Variants in HEATR6 observed in about 807,000 individuals in gnomAD.
HEATR6 encodes the protein HEAT repeat-containing protein 6.
In HEATR6, 106 loss-of-function variants were observed where a neutral mutation model predicts 132.8. The ratio of observed to expected loss-of-function variants is 0.80; its 90% CI spans 0.68 to 0.94. The LOEUF is 0.94. Among genes scored for constraint, HEATR6 ranks in the 40% least tolerant of loss-of-function variants. HEATR6 has a pLI of 0.00. For synonymous variants in HEATR6, 529 were observed against 537.8 expected (o/e 0.98, Z 0.23); for missense variants, 1,339 against 1,425.1 (o/e 0.94, Z 0.97).
At chr17:60,044,208 G>A in intron 19 of HEATR6, 74 bp from the exon 20 acceptor site, 1 of 1,141,310 alleles carries the variant, frequency 8.8e-7, no homozygotes. Flanking sequence ...AGGGGTGGAA[G>A]GAAGCTTAAA....
chr17:60,046,128 G>A lies in HEATR6; in HGVS notation c.2871C>T (p.Ile957=), dbSNP rs1189373475. 1.9e-6 allele frequency: 3 copies of A among 1,613,576 alleles called. No homozygotes were observed. In the East Asian group the frequency reaches 6.7e-5, roughly 36 times the overall value. ...PTFAEIIEES[I]QALISTVLTE... Reference sequence around the variant, plus strand: ...TTAGAACAGTAGAAATTAGGGCCTGGATAGACTCCTCAATGATTTCTGCAA... The same window carrying A: ...TTAGAACAGTAGAAATTAGGGCCTGAATAGACTCCTCAATGATTTCTGCAA... The change falls in exon 19 of 20, where the codon ATC becomes ATT. Residue 957 remains isoleucine (I), a synonymous_variant. Coordinates refer to ENST00000184956, the MANE Select transcript of HEATR6 (RefSeq NM_022070.5).
rs1906862829 is a variant in HEATR6 at position 60,059,456 on chromosome 17, G to C, written c.1689C>G (p.Val563=). Residue 563 remains valine (V), a synonymous_variant, in exon 11 of 20, where the codon GTC becomes GTG. Coordinates refer to ENST00000184956, the MANE Select transcript of HEATR6 (RefSeq NM_022070.5). ...DRLKLSLLTK[V]WNQIKPYIRH... is the part of the protein sequence containing the mutation. Reference sequence around the variant, plus strand: ...GAATATAAGGCTTTATCTGGTTCCAGACTTTGGTCAGCAGGCTGAGTTTTA... The same window carrying C: ...GAATATAAGGCTTTATCTGGTTCCACACTTTGGTCAGCAGGCTGAGTTTTA... 6.2e-7 allele frequency: 1 copy of C among 1,613,712 alleles called. No individual in the cohort carries two copies. The highest frequency in any genetic ancestry group is 8.5e-7 in the Non-Finnish European group (1 of 1,179,766).
At chr17:60,073,600 C>T (rs2083281107) in intron 3 of HEATR6, 146 bp downstream of exon 3, 3 of 724,834 alleles carry the variant, frequency 4.1e-6, no homozygotes, top group South Asian at 1.9e-5. Context: ...CTCAGAGTAA[C>T]TATTTTATAC....
In HEATR6 at chr17:60,043,833, T is replaced by A. The variant is rs781669418; in HGVS notation, c.3276A>T (p.Lys1092Asn). 6.2e-7 allele frequency: 1 copy of A among 1,614,226 alleles called. No individual in the cohort carries two copies. Residue 1092 changes from lysine (K) to asparagine (N), a missense_variant, in exon 20 of 20, where the codon AAA (lysine) becomes AAT (asparagine). Coordinates refer to ENST00000184956, the MANE Select transcript of HEATR6 (RefSeq NM_022070.5). ...LASASDLPCM[K>N]ETLELSGNMV... ...TATTCCCACTCAGTTCAAGGGTTTCTTTCATACAAGGGAGGTCCGAGGCAC... is the reference window on the plus strand; with the variant it reads ...TATTCCCACTCAGTTCAAGGGTTTCATTCATACAAGGGAGGTCCGAGGCAC...
chr17:60,073,634 G>A, intron 3 of HEATR6, 112 bp downstream of exon 3: 2 of 1,035,096 alleles, frequency 1.9e-6, no homozygotes, highest in Non-Finnish European at 2.9e-6. Context: ...GCCCAGAGTG[G>A]TTGAATAAGA....
rs532592180 is a variant in HEATR6, at chr17:60,059,023, T to G, written c.1723+399A>C. ...AAGTTAAATTTTGTATTCCAGTTTT[T>G]CTTTCCAAAAAGTAGATAATATCTA... is the stretch of plus-strand genomic sequence containing the variant. On this transcript the variant is annotated intron_variant, in intron 11 of 19. Coordinates refer to ENST00000184956, the MANE Select transcript of HEATR6 (RefSeq NM_022070.5). 2.0e-5 allele frequency among the ~76,000 whole-genome samples: 3 copies of G among 152,330 alleles called. No homozygotes were observed. The East Asian group carries it at 5.8e-4, about 29-fold the overall frequency.
At chr17:60,066,474 C>A in intron 8 of HEATR6, 88 bp from the exon 9 acceptor site, 1 of 901,758 alleles carries the variant, frequency 1.1e-6, no homozygotes, top group African/African-American at 1.7e-5. Context: ...TTATTTCCAC[C>A]AATTCAAATG....
chr17:60,078,599 C>A, intron 1 of HEATR6, 97 bp downstream of exon 1: 1 of 923,442 alleles, frequency 1.1e-6, no homozygotes, highest in Non-Finnish European at 1.6e-6. Flanking sequence ...TCATCAGGCG[C>A]GAGAGTGGGA....
At chr17:60,059,614 C>A in intron 10 of HEATR6, 93 bp from the exon 11 acceptor site, 1 of 841,660 alleles carries the variant, frequency 1.2e-6, no homozygotes, top group Non-Finnish European at 1.9e-6. Context: ...GAAAAGTTTT[C>A]ACACAACTAA....
chr17:60,047,525 C>T (rs1018911302), intron 17 of HEATR6, 120 bp from the exon 18 acceptor site: 2 of 453,956 alleles, frequency 4.4e-6, no homozygotes, highest in Non-Finnish European at 7.7e-6. Context: ...AACAAATCTG[C>T]TTAGATTATA....
At chr17:60,065,088 GATTT>G (rs1433090314) in intron 9 of HEATR6, among the ~76,000 whole-genome samples, 1 of 151,996 alleles carries the variant, frequency 6.6e-6, no homozygotes, top group East Asian at 1.9e-4. Flanking sequence ...CTTCATTACT[GATTT>G]ATTTGCCACC....
intron 17 of HEATR6, 97 bp downstream of exon 17, chr17:60,048,167 G>A: frequency 7.8e-7 from 1 of 1,286,926 alleles, no homozygotes; most frequent in Non-Finnish European, 1.1e-6. Context: ...ATAATATGCG[G>A]GAACTACTGC....
rs1181553136 is a variant in HEATR6 at position 60,067,544 on chromosome 17, A to G, written c.1128T>C (p.Ala376=). Residue 376 remains alanine, a synonymous_variant, in exon 8 of 20, where the codon GCT becomes GCC. Transcript: ENST00000184956. The part of the protein sequence containing the change: ...VQSLPLDGSG[A]AEKDGVSSSF... Reference sequence around the variant, plus strand: ...ATGAGGAGACTCCATCTTTTTCTGCAGCTCCACTTCCATCTAAAGGCAAAC... The same window carrying G: ...ATGAGGAGACTCCATCTTTTTCTGCGGCTCCACTTCCATCTAAAGGCAAAC... 1.9e-6 allele frequency: 3 copies of G among 1,613,384 alleles called. No homozygotes were observed. The South Asian group carries it at 3.3e-5, about 18-fold the overall frequency.
chr17:60,068,594 C>T (rs1282674325), intron 7 of HEATR6, among the ~76,000 whole-genome samples: 4 of 150,006 alleles, frequency 2.7e-5, no homozygotes, highest in African/African-American at 4.9e-5. Flanking sequence ...TCTTATCATT[C>T]GGCCTCTGCT....
In HEATR6 at chr17:60,059,472, C is replaced by T; in HGVS notation, c.1673G>A (p.Ser558Asn). Reference protein sequence around the residue: ...SNAPYDRLKLSLLTKVWNQIK... With the variant: ...SNAPYDRLKLNLLTKVWNQIK... Reference sequence around the variant, plus strand: ...CTGGTTCCAGACTTTGGTCAGCAGGCTGAGTTTTAGACGATCATAAGGTGC... The same window carrying T: ...CTGGTTCCAGACTTTGGTCAGCAGGTTGAGTTTTAGACGATCATAAGGTGC... The change falls in exon 11 of 20, where the codon AGC becomes AAC. Residue 558 changes from serine (S) to asparagine (N), a missense_variant. By Grantham distance (46) the Ser-to-Asn change is conservative. Transcript: ENST00000184956. 6 of 1,613,822 alleles carry T rather than the reference C, an allele frequency of 3.7e-6. No individual in the cohort carries two copies. Among genetic ancestry groups the T allele is most frequent in the Non-Finnish European group, 5.1e-6 (6 of 1,179,888 alleles).
At chr17:60,061,645 G>A (rs555421597) in intron 9 of HEATR6, among the ~76,000 whole-genome samples, 24 of 152,302 alleles carry the variant, frequency 1.6e-4, no homozygotes, top group South Asian at 6.2e-4. Flanking sequence ...CTTGATTTAC[G>A]GACAATGCAA....
intron 9 of HEATR6, among the ~76,000 whole-genome samples, chr17:60,060,406 A>G (rs1465754936): frequency 6.6e-6 from 1 of 152,122 alleles, no homozygotes; most frequent in Admixed American, 6.5e-5. Context: ...CAGCCTCCCA[A>G]GTAGCTAGGA....
chr17:60,055,392 T>C, intron 14 of HEATR6, 123 bp downstream of exon 14: 1 of 585,148 alleles, frequency 1.7e-6, no homozygotes. Context: ...TTTCCTGGAT[T>C]ATAAAACATA....
chr17:60,044,643 C>A (rs1166350709), intron 19 of HEATR6, among the ~76,000 whole-genome samples: 3 of 152,190 alleles, frequency 2.0e-5, no homozygotes, highest in African/African-American at 7.2e-5. Context: ...GAATAAGATG[C>A]CCAGATTTCT....
Sources: gnomAD v4.1 joint callset for allele counts (sites outside exome capture counted in the v4.1 genomes callset) on GRCh38, gnomAD v4.1.1 for gene constraint, MANE v1.5 for transcripts, NCBI Gene and HGNC (gene_info 2026-07-23, HGNC 2026-07-21) for gene names.